CCNY: variants seen among roughly 807,000 people sequenced by gnomAD.
CCNY encodes cyclin Y, also known as cyclin-Y.
In CCNY, 19 loss-of-function variants were observed where a neutral mutation model predicts 42.8. The observed-to-expected ratio is 0.44, with a 90% confidence interval of 0.31 to 0.65. The LOEUF (loss-of-function observed/expected upper bound fraction) is 0.65, where lower values mean the gene tolerates loss of function less well. CCNY is among the 30% of genes least tolerant of loss of function. CCNY has a pLI of 0.07. For synonymous variants in CCNY, 165 were observed against 162.7 expected (o/e 1.01, Z -0.11); for missense variants, 370 against 437.3 (o/e 0.85, Z 1.37).
chr10:35,440,053 C>T (rs958840234), intron 1 of CCNY, among the ~76,000 whole-genome samples: 3 of 152,174 alleles, frequency 2.0e-5, no homozygotes, highest in African/African-American at 4.8e-5. Context: ...TACCACTTCA[C>T]AATGGCAAAA....
intron 1 of CCNY, among the ~76,000 whole-genome samples, chr10:35,426,685 A>G (rs1838281158): frequency 1.3e-5 from 2 of 152,214 alleles, no homozygotes; most frequent in Admixed American, 6.5e-5. Flanking sequence ...ACCAGTGATG[A>G]CTTTAAAGCC....
At chr10:35,558,776 A>T (rs1382294338) in intron 8 of CCNY, among the ~76,000 whole-genome samples, 2 of 152,112 alleles carry the variant, frequency 1.3e-5, no homozygotes, top group Non-Finnish European at 2.9e-5. Flanking sequence ...AACCCCACTA[A>T]CACCTTGATC....
intron 2 of CCNY, among the ~76,000 whole-genome samples, chr10:35,488,830 G>A (rs1839839350): frequency 6.6e-6 from 1 of 152,132 alleles, no homozygotes; most frequent in Non-Finnish European, 1.5e-5. Flanking sequence ...CTTTAAAAAT[G>A]TATGAACATG....
chr10:35,462,256 G>A (rs1042415425), intron 1 of CCNY, among the ~76,000 whole-genome samples: 7 of 152,214 alleles, frequency 4.6e-5, no homozygotes, highest in Non-Finnish European at 8.8e-5. Flanking sequence ...ATGTTAGGTG[G>A]AGCTCGTTTT....
intron 3 of CCNY, among the ~76,000 whole-genome samples, chr10:35,251,205 C>T (rs1187757849): frequency 6.6e-6 from 1 of 151,814 alleles, no homozygotes; most frequent in African/African-American, 2.4e-5. Flanking sequence ...GAGACCAGCC[C>T]AGGCAATATA....
chr10:35,532,673 G>A (rs552425307), intron 7 of CCNY, among the ~76,000 whole-genome samples: 1 of 152,342 alleles, frequency 6.6e-6, no homozygotes, highest in South Asian at 2.1e-4. Context: ...CCTTTGTGGT[G>A]TACCTGCAGC....
chr10:35,401,610 C>T lies in CCNY; in HGVS notation c.154+64403C>T, dbSNP rs74184644. Among the ~76,000 whole-genome samples the T allele has an allele frequency of 1.8e-4, 27 of 148,768 alleles. No individual in the cohort carries two copies. The East Asian group carries it at 3.1e-3, about 17-fold the overall frequency. ...TCAAAATTAGCAGTAGTAATTGTCT[C>T]ATGTGTGCGTGTGAAGAGACCACCA... On this transcript the variant is annotated intron_variant, in intron 1 of 9. Transcript: ENST00000374704.
chr10:35,406,063 C>T (rs544606948), intron 1 of CCNY, among the ~76,000 whole-genome samples: 1 of 152,128 alleles, frequency 6.6e-6, no homozygotes, highest in East Asian at 1.9e-4. Flanking sequence ...AGGAATTGCA[C>T]CTCAGAAATA....
intron 3 of CCNY, among the ~76,000 whole-genome samples, chr10:35,302,442 C>T (rs534604120): frequency 2.1e-4 from 32 of 151,650 alleles, no homozygotes; most frequent in Non-Finnish European, 3.5e-4. Context: ...TCCTGAGGAG[C>T]TGGCACTGCA....
chr10:35,548,178 C>T (rs942216170), intron 7 of CCNY, among the ~76,000 whole-genome samples: 3 of 150,916 alleles, frequency 2.0e-5, no homozygotes, highest in Admixed American at 6.6e-5. Flanking sequence ...ATTTATTTTT[C>T]GTGTTATATG....
intron 3 of CCNY, among the ~76,000 whole-genome samples, chr10:35,296,937 T>A (rs1045798847): frequency 1.9e-4 from 29 of 152,034 alleles, no homozygotes; most frequent in Non-Finnish European, 3.7e-4. Flanking sequence ...GAGGGTCTCC[T>A]CTCCAACTCA....
At chr10:35,546,123 G>A (rs1022851476) in intron 7 of CCNY, among the ~76,000 whole-genome samples, 4 of 152,274 alleles carry the variant, frequency 2.6e-5, no homozygotes, top group South Asian at 2.1e-4. Flanking sequence ...AACCTCAGCC[G>A]TATTGGAACA....
chr10:35,561,064 A>G (rs1325310424), intron 8 of CCNY, among the ~76,000 whole-genome samples: 1 of 152,236 alleles, frequency 6.6e-6, no homozygotes, highest in Non-Finnish European at 1.5e-5. Flanking sequence ...CAGCCACCCA[A>G]GCTGCACTCC....
chr10:35,345,839 A>G (rs1011253), intron 1 of CCNY, among the ~76,000 whole-genome samples: 43,833 of 152,122 alleles, frequency 0.29, 6,614 homozygotes, highest in Admixed American at 0.35. Flanking sequence ...TAGAAATACT[A>G]TTTCTCAGAT....
intron 1 of CCNY, among the ~76,000 whole-genome samples, chr10:35,477,352 C>T (rs1347526672): frequency 6.7e-6 from 1 of 150,340 alleles, no homozygotes; most frequent in Non-Finnish European, 1.5e-5. Flanking sequence ...AATTTTAGAC[C>T]AATATCCTTG....
chr10:35,442,744 T>C (rs1412719540), intron 1 of CCNY, among the ~76,000 whole-genome samples: 1 of 152,114 alleles, frequency 6.6e-6, no homozygotes, highest in Non-Finnish European at 1.5e-5. Context: ...ATTGATGTGG[T>C]TTGTGTTATT....
chr10:35,368,702 G>A (rs1836863707), intron 1 of CCNY, among the ~76,000 whole-genome samples: 1 of 152,228 alleles, frequency 6.6e-6, no homozygotes, highest in Admixed American at 6.5e-5. Flanking sequence ...CAGGCGTCAG[G>A]GCAGGCCGCT....
At chr10:35,512,047 A>G (rs950013162) in intron 3 of CCNY, among the ~76,000 whole-genome samples, 45 of 152,324 alleles carry the variant, frequency 3.0e-4, no homozygotes, top group African/African-American at 9.9e-4. Context: ...TGGCTTTCAT[A>G]TACCAGATAG....
intron 3 of CCNY, among the ~76,000 whole-genome samples, chr10:35,326,573 A>C (rs574471824): frequency 6.6e-6 from 1 of 152,280 alleles, no homozygotes; most frequent in East Asian, 1.9e-4. Context: ...CAGATTGCTG[A>C]GTTTCCAGGC....
Sources: allele counts gnomAD v4.1 joint callset (sites outside exome capture counted in the v4.1 genomes callset), GRCh38; gene constraint gnomAD v4.1.1; transcripts MANE v1.5; gene names NCBI Gene and HGNC (gene_info 2026-07-23, HGNC 2026-07-21).